USP3: variants seen among roughly 807,000 people sequenced by gnomAD.
USP3 encodes the protein ubiquitin specific peptidase 3.
In USP3, 20 loss-of-function variants were observed where a neutral mutation model predicts 72.3. The ratio of observed to expected loss-of-function variants is 0.28; its 90% CI spans 0.19 to 0.40. The LOEUF is 0.40. Among genes scored for constraint, USP3 ranks in the 10% least tolerant of loss-of-function variants. The pLI, the probability that USP3 is intolerant of heterozygous loss-of-function variation, is 1.00. For missense variants in USP3, 479 were observed against 633.9 expected (o/e 0.76, Z 2.62); for synonymous variants, 222 against 225.3 (o/e 0.99, Z 0.13).
chr15:63,547,892 GAGAGGCAT>G (rs1251130269), intron 3 of USP3, among the ~76,000 whole-genome samples: 88 of 146,642 alleles, frequency 6.0e-4, no homozygotes, highest in Non-Finnish European at 9.1e-4. Flanking sequence ...GAGAGAGAGA[GAGAGGCAT>G]AGAGAGAGGC....
chr15:63,506,071 C>G (rs956066011), intron 1 of USP3, among the ~76,000 whole-genome samples: 1 of 152,198 alleles, frequency 6.6e-6, no homozygotes, highest in African/African-American at 2.4e-5. Flanking sequence ...CTGGCGCGCT[C>G]AGACGTCTGA....
chr15:63,544,395 T>C lies in USP3; in HGVS notation c.284+7239T>C, dbSNP rs2066290535. 3.1e-6 allele frequency: 1 copy of C among 320,856 alleles called. No individual in the cohort carries two copies. The highest frequency in any genetic ancestry group is 4.8e-5 in the Admixed American group (1 of 21,046). The allele number at this position is 320,856 out of a possible 1,614,324, so 19.9% of individuals were successfully genotyped here. A position where few individuals can be genotyped will look rare whatever the true frequency, so the allele number is the denominator to read the frequency against. On this transcript the variant is annotated intron_variant, in intron 3 of 14. Transcript: ENST00000380324. This position sits in a 1 kb window ranked among gnomAD's most constrained non-coding sequence, Gnocchi z 4.2. ...TGAGTGAGGTCTGGTAGAAAGAAAG[T>C]AACTTTATTAACCAAAACTAGTGAA...
In USP3 at chr15:63,573,979, T is replaced by C. The variant is rs540104718; in HGVS notation, c.909-67T>C. On this transcript the variant is annotated intron_variant, in intron 9 of 14. Transcript: ENST00000380324. ...CTGTAGGGGCTTTAACAAATATTTG[T>C]AGTTTTTTAAATGTCAAAGAGATGG... 13 of 1,112,056 alleles carry C rather than the reference T, an allele frequency of 1.2e-5. No individual in the cohort carries two copies. The African/African-American group carries it at 2.1e-4, about 18-fold the overall frequency. The allele number at this position is 1,112,056 out of a possible 1,614,324, so 68.9% of individuals were successfully genotyped here. A position where few individuals can be genotyped will look rare whatever the true frequency, so the allele number is the denominator to read the frequency against.
intron 11 of USP3, among the ~76,000 whole-genome samples, chr15:63,581,806 C>T (rs115504644): frequency 0.024 from 3,701 of 152,050 alleles, 134 homozygotes; most frequent in African/African-American, 0.084. Context: ...GTGATCCTCC[C>T]ACCTCAGTCT....
chr15:63,567,110 T>C (rs2066702772), intron 8 of USP3, among the ~76,000 whole-genome samples: 2 of 152,236 alleles, frequency 1.3e-5, no homozygotes, highest in Admixed American at 6.5e-5. Context: ...TGAGTCCTTT[T>C]ATGTGCCTAT....
At chr15:63,586,148 T>A (rs1386992131) in intron 11 of USP3, among the ~76,000 whole-genome samples, 1 of 152,206 alleles carries the variant, frequency 6.6e-6, no homozygotes, top group South Asian at 2.1e-4. Flanking sequence ...TAATTATACT[T>A]TTTCCTTTTC....
intron 7 of USP3, among the ~76,000 whole-genome samples, chr15:63,561,132 G>C: frequency 6.6e-6 from 1 of 152,088 alleles, no homozygotes; most frequent in African/African-American, 2.4e-5. Context: ...GCAGCATCTA[G>C]GATGAGTTGA....
Position 63,559,926 on chromosome 15 carries a change from A to G in USP3, c.603A>G (p.Ala201=), listed in dbSNP as rs1352065059. 6 of 1,614,130 alleles carry G rather than the reference A, an allele frequency of 3.7e-6. No homozygotes were observed. The highest frequency in any genetic ancestry group is 1.3e-5 in the African/African-American group (1 of 75,062). Residue 201 remains alanine, a synonymous_variant, in exon 7 of 15, where the codon GCA becomes GCG. Transcript: ENST00000380324. ...PAVELRNGKT[A]GRRTYHTRSQ... is the part of the protein sequence containing the mutation. ...TGGAGTTAAGGAATGGGAAAACAGC[A>G]GGAAGGCGGACATACCACACCAGGA...
chr15:63,519,200 CCTTT>C lies in USP3; in HGVS notation c.92-13444_92-13441del, dbSNP rs571804060. 7.2e-5 allele frequency among the ~76,000 whole-genome samples: 11 copies of C among 152,250 alleles called. No homozygotes were observed. The East Asian group carries it at 2.1e-3, about 29-fold the overall frequency. ...AACAATGGCCTTCATAGCTATTACTCCTTTCTGTTTACCTCCCCAGCCACCCTGG... is the reference window on the plus strand; with the variant it reads ...AACAATGGCCTTCATAGCTATTACTCCTGTTTACCTCCCCAGCCACCCTGG... On this transcript the variant is annotated intron_variant, in intron 1 of 14. Transcript: ENST00000380324.
At position 63,566,240 on chromosome 15, in the gene USP3, TCTC is replaced by T. The variant is rs555078873; in HGVS notation, c.761+3233_761+3235del. Among the ~76,000 whole-genome samples, 168 of 152,276 alleles carry T rather than the reference TCTC, an allele frequency of 1.1e-3. 1 individual carries two copies. Among genetic ancestry groups the T allele is most frequent in the African/African-American group, 4.0e-3 (165 of 41,560 alleles). On this transcript the variant is annotated intron_variant, in intron 8 of 14. Transcript: ENST00000380324. Reference sequence around the variant, plus strand: ...CATAATTCTTATATTTGCTTGCTCTTCTCAGGTTTATAGACAATGTAAAGGATT... The same window carrying T: ...CATAATTCTTATATTTGCTTGCTCTTAGGTTTATAGACAATGTAAAGGATT...
Position 63,504,674 on chromosome 15 carries a change from A to G in USP3, c.-66A>G, listed in dbSNP as rs2065683613. 2 of 1,367,118 alleles carry G rather than the reference A, an allele frequency of 1.5e-6. No individual in the cohort carries two copies. Among genetic ancestry groups the G allele is most frequent in the Non-Finnish European group, 2.0e-6 (2 of 1,016,130 alleles). The allele number at this position is 1,367,118 out of a possible 1,614,324, so 84.7% of individuals were successfully genotyped here. A position where few individuals can be genotyped will look rare whatever the true frequency, so the allele number is the denominator to read the frequency against. On this transcript the variant is annotated 5_prime_UTR_variant, in exon 1 of 15. Coordinates refer to ENST00000380324, the MANE Select transcript of USP3 (RefSeq NM_006537.4). ...AAGCGACACCAGACGGAGCCTCCGGAGTTCCTCCGCCCCCACCTCGCCGGG... is the reference window on the plus strand; with the variant it reads ...AAGCGACACCAGACGGAGCCTCCGGGGTTCCTCCGCCCCCACCTCGCCGGG...
intron 3 of USP3, among the ~76,000 whole-genome samples, chr15:63,537,902 C>G (rs1444198892): frequency 6.6e-6 from 1 of 151,910 alleles, no homozygotes; most frequent in African/African-American, 2.4e-5. Context: ...TCAGGTTGGT[C>G]TCGTACTCCT....
rs2066605787 is a variant in USP3 at position 63,561,396 on chromosome 15, A to C, written c.647+1426A>C. On this transcript the variant is annotated intron_variant, in intron 7 of 14. Transcript: ENST00000380324. The stretch of plus-strand genomic sequence containing the variant: ...AGTGAAAAATCAGGTCTGGAGTCCG[A>C]GGCAGCAGCACCGCAGTCACAGTCA... Among the ~76,000 whole-genome samples the C allele has an allele frequency of 2.6e-5, 4 of 152,278 alleles. No homozygotes were observed. The South Asian group carries it at 8.3e-4, about 32-fold the overall frequency.
intron 1 of USP3, among the ~76,000 whole-genome samples, chr15:63,513,460 G>T (rs756912032): frequency 3.9e-5 from 6 of 152,110 alleles, no homozygotes; most frequent in Non-Finnish European, 7.4e-5. Flanking sequence ...GCTCGTTACA[G>T]CCTGGAACTC....
In USP3 at chr15:63,529,386, A is replaced by G. The variant is rs781739351; in HGVS notation, c.92-3261A>G. Among the ~76,000 whole-genome samples the G allele has an allele frequency of 3.2e-4, 48 of 152,130 alleles. No homozygotes were observed. Among genetic ancestry groups the G allele is most frequent in the Non-Finnish European group, 5.9e-4 (40 of 68,012 alleles). On this transcript the variant is annotated intron_variant, in intron 1 of 14. Coordinates refer to ENST00000380324, the MANE Select transcript of USP3 (RefSeq NM_006537.4). This position sits in a 1 kb window ranked among gnomAD's most constrained non-coding sequence, Gnocchi z 4.2. Reference sequence around the variant, plus strand: ...TTCAGTGGCGTTTAGTACATCCACAATTGTTTTACAAGTACCATCTCTATC... The same window carrying G: ...TTCAGTGGCGTTTAGTACATCCACAGTTGTTTTACAAGTACCATCTCTATC...
chr15:63,505,411 G>A (rs1012142493), intron 1 of USP3, among the ~76,000 whole-genome samples: 1 of 152,198 alleles, frequency 6.6e-6, no homozygotes, highest in Non-Finnish European at 1.5e-5. Flanking sequence ...CTGGGAGCTC[G>A]GGCGGCGGAG....
intron 4 of USP3, among the ~76,000 whole-genome samples, chr15:63,555,551 T>G (rs560957672): frequency 6.6e-6 from 1 of 152,226 alleles, no homozygotes; most frequent in South Asian, 2.1e-4. Context: ...ATTTTGAGAG[T>G]CACTGAGGAT....
chr15:63,593,886 A>C lies in USP3; in HGVS notation c.*3060A>C, dbSNP rs988753392. On this transcript the variant is annotated 3_prime_UTR_variant, in exon 15 of 15. Transcript: ENST00000380324. The stretch of plus-strand genomic sequence containing the variant: ...GCTGAGTCACATGGCTCCTTGGAAC[A>C]AGAAAACTTTCTCAGAAGTCCCCAC... 6.6e-6 allele frequency: 1 copy of C among 152,254 alleles called. No individual in the cohort carries two copies. The highest frequency in any genetic ancestry group is 2.4e-5 in the African/African-American group (1 of 41,472). The allele number at this position is 152,254 out of a possible 1,614,324, so 9.4% of individuals were successfully genotyped here.
chr15:63,554,759 T>C (rs2066484797), intron 4 of USP3, among the ~76,000 whole-genome samples: 1 of 152,192 alleles, frequency 6.6e-6, no homozygotes, highest in African/African-American at 2.4e-5. Flanking sequence ...ACTAACTAGA[T>C]GATAAAGCCA....
Sources: allele counts gnomAD v4.1 joint callset (sites outside exome capture counted in the v4.1 genomes callset), GRCh38; gene constraint gnomAD v4.1.1; non-coding constraint Gnocchi (gnomAD v3.1); transcripts MANE v1.5; gene names NCBI Gene and HGNC (gene_info 2026-07-23, HGNC 2026-07-21).